KIAA2012: variants seen among roughly 807,000 people sequenced by gnomAD.
The protein encoded by KIAA2012 is KIAA2012.
In KIAA2012, 125 loss-of-function variants were observed where a neutral mutation model predicts 150.6. That is an observed-to-expected ratio of 0.83 (90% CI 0.72 to 0.96). KIAA2012 has a LOEUF of 0.96. Among genes scored for constraint, KIAA2012 ranks in the 40% least tolerant of loss-of-function variants. The pLI, the probability that KIAA2012 is intolerant of heterozygous loss-of-function variation, is 0.00. For missense variants in KIAA2012, 1,219 were observed against 1,354.9 expected, an observed-to-expected ratio of 0.90 and a Z score of 1.57; for synonymous variants, 462 against 504.7, an observed-to-expected ratio of 0.92 and a Z score of 1.13.
chr2:202,098,836 G>A (rs1054615382), intron 5 of KIAA2012, among the ~76,000 whole-genome samples: 15 of 150,158 alleles, frequency 1.0e-4, no homozygotes, highest in South Asian at 6.3e-4. Flanking sequence ...GCGCGCGCGC[G>A]CAGGATAACA....
In KIAA2012 at chr2:202,138,299, C is replaced by T. The variant is rs929317754; in HGVS notation, c.1832-133C>T. The T allele has an allele frequency of 7.0e-5, 47 of 667,234 alleles. 1 individual carries two copies. The highest frequency in any genetic ancestry group is 1.1e-4 in the Non-Finnish European group (40 of 380,008). The allele number at this position is 667,234 out of a possible 1,614,324, so 41.3% of individuals were successfully genotyped here. ...TTTTTTGGTGAGTAAATTATGAATG[C>T]CATGGGTGTATATGTGCTTATAATC... On this transcript the variant is annotated intron_variant, in intron 12 of 23. Coordinates refer to ENST00000498697, the MANE Select transcript of KIAA2012 (RefSeq NM_001277372.4).
intron 7 of KIAA2012, among the ~76,000 whole-genome samples, chr2:202,101,144 T>C (rs954227498): frequency 3.9e-5 from 6 of 152,232 alleles, no homozygotes; most frequent in African/African-American, 1.2e-4. Flanking sequence ...CTTACAGGGC[T>C]GGTAGAAGAG....
chr2:202,079,135 C>T (rs144674497), intron 2 of KIAA2012, among the ~76,000 whole-genome samples: 6 of 152,150 alleles, frequency 3.9e-5, no homozygotes, highest in Non-Finnish European at 8.8e-5. Flanking sequence ...TTTTAAACTA[C>T]GGGATTTTAC....
intron 14 of KIAA2012, among the ~76,000 whole-genome samples, chr2:202,164,545 G>A (rs34618158): frequency 0.02 from 3,101 of 152,280 alleles, 48 homozygotes; most frequent in Non-Finnish European, 0.033. Flanking sequence ...AACCAAATCC[G>A]TGGTAATCCT....
In KIAA2012 at chr2:202,105,800, A is replaced by G; in HGVS notation, c.1364A>G (p.Glu455Gly). The G allele has an allele frequency of 6.4e-7, 1 of 1,550,650 alleles. No homozygotes were observed. Among genetic ancestry groups the G allele is most frequent in the South Asian group, 1.2e-5 (1 of 84,062 alleles). The change falls in exon 9 of 24, where the codon GAA (glutamate) becomes GGA (glycine). Residue 455 changes from glutamate to glycine, a missense_variant. By Grantham distance (98) the Glu-to-Gly change is moderately conservative. Transcript: ENST00000498697. ...HPESEPESSE[E>G]STPVWRPPLK... Reference sequence around the variant, plus strand: ...GAGTCAGAACCAGAAAGCAGCGAAGAATCCACACCTGTGTGGAGACCTCCC... The same window carrying G: ...GAGTCAGAACCAGAAAGCAGCGAAGGATCCACACCTGTGTGGAGACCTCCC...
At chr2:202,201,711 G>GCC in intron 22 of KIAA2012, 1 of 1,563,480 alleles carries the variant, frequency 6.4e-7, no homozygotes, top group Non-Finnish European at 8.8e-7. Flanking sequence ...GACATGGTGG[G>GCC]GACTGTGGCA....
At chr2:202,148,765 CAG>C (rs1342733828) in intron 13 of KIAA2012, among the ~76,000 whole-genome samples, 1 of 152,184 alleles carries the variant, frequency 6.6e-6, no homozygotes, top group Non-Finnish European at 1.5e-5. Flanking sequence ...GAAACCTAGA[CAG>C]AGACAGAACC....
chr2:202,204,062 C>G (rs1337310556), intron 23 of KIAA2012, among the ~76,000 whole-genome samples: 2 of 142,684 alleles, frequency 1.4e-5, no homozygotes, highest in Non-Finnish European at 3.0e-5. Context: ...AGCCACCGCA[C>G]CCAGCGGTTT....
chr2:202,188,042 C>T (rs1339203297), intron 17 of KIAA2012, 110 bp from the exon 18 acceptor site: 2 of 867,000 alleles, frequency 2.3e-6, no homozygotes, highest in Admixed American at 2.7e-5. Context: ...GGAACCCACA[C>T]AAATTCCATT....
At chr2:202,119,888 G>A (rs895253906) in intron 11 of KIAA2012, among the ~76,000 whole-genome samples, 15 of 152,236 alleles carry the variant, frequency 9.9e-5, no homozygotes, top group African/African-American at 3.1e-4. Flanking sequence ...CATGTCATGG[G>A]AGGAACCCGG....
intron 2 of KIAA2012, chr2:202,076,895 T>C (rs1291237736): frequency 6.7e-6 from 3 of 450,416 alleles, no homozygotes; most frequent in East Asian, 6.9e-5. Flanking sequence ...ACAGGCTATA[T>C]ACAATTCTGC....
chr2:202,181,715 C>T (rs1256255416), intron 15 of KIAA2012, among the ~76,000 whole-genome samples: 2 of 152,092 alleles, frequency 1.3e-5, no homozygotes, highest in East Asian at 1.9e-4. Flanking sequence ...AAAGCAAATA[C>T]ACCAAAATAT....
chr2:202,162,431 C>T (rs1021564100), intron 14 of KIAA2012, among the ~76,000 whole-genome samples: 1 of 151,864 alleles, frequency 6.6e-6, no homozygotes, highest in Non-Finnish European at 1.5e-5. Flanking sequence ...CGCACCACCA[C>T]ACCTGGCTAA....
chr2:202,099,310 A>AT (rs1012471640), intron 5 of KIAA2012, among the ~76,000 whole-genome samples: 1 of 152,194 alleles, frequency 6.6e-6, no homozygotes, highest in Non-Finnish European at 1.5e-5. Context: ...TTCGTAATGG[A>AT]TAAAAACACC....
At chr2:202,156,605 A>C (rs540770859) in intron 14 of KIAA2012, among the ~76,000 whole-genome samples, 1 of 152,208 alleles carries the variant, frequency 6.6e-6, no homozygotes, top group Admixed American at 6.5e-5. Flanking sequence ...TAAGGAAATG[A>C]GATAAGAAAG....
chr2:202,086,167 C>A (rs1282907669), intron 2 of KIAA2012, among the ~76,000 whole-genome samples: 219 of 90,002 alleles, frequency 2.4e-3, no homozygotes, highest in South Asian at 7.8e-3. Context: ...AACTCTGTCT[C>A]AAAAAAAAAA....
intron 9 of KIAA2012, 181 bp downstream of exon 9, chr2:202,106,091 A>G: frequency 6.7e-7 from 1 of 1,490,754 alleles, no homozygotes; most frequent in East Asian, 2.5e-5. Context: ...CTGCACTAAA[A>G]CTAACAGTGT....
chr2:202,156,673 C>G (rs1026718637), intron 14 of KIAA2012, among the ~76,000 whole-genome samples: 1 of 152,148 alleles, frequency 6.6e-6, no homozygotes, highest in African/African-American at 2.4e-5. Context: ...ATCACGAGGT[C>G]AGGAGATCGA....
chr2:202,082,287 C>G (rs1008512325), intron 2 of KIAA2012, among the ~76,000 whole-genome samples: 3 of 151,988 alleles, frequency 2.0e-5, no homozygotes, highest in Non-Finnish European at 2.9e-5. Flanking sequence ...CCCAAGAGAT[C>G]GAGGCTACAG....
Sources: gnomAD v4.1 joint callset for allele counts (sites outside exome capture counted in the v4.1 genomes callset) on GRCh38, gnomAD v4.1.1 for gene constraint, MANE v1.5 for transcripts, NCBI Gene and HGNC (gene_info 2026-07-23, HGNC 2026-07-21) for gene names.